TMEM132C: variants seen among roughly 807,000 people sequenced by gnomAD.
The protein encoded by TMEM132C is protein phosphatase 1, regulatory subunit 152.
In TMEM132C, 29 loss-of-function variants were observed where a neutral mutation model predicts 61.4. The observed-to-expected ratio is 0.47, with a 90% CI of 0.35 to 0.64. The LOEUF (loss-of-function observed/expected upper bound fraction) is 0.64. Among genes scored for constraint, TMEM132C ranks in the 30% least tolerant of loss-of-function variants. TMEM132C has a pLI of 0.00. For synonymous variants in TMEM132C, 656 were observed against 633.1 expected, an observed-to-expected ratio of 1.04 and a Z score of -0.54; for missense variants, 1,408 against 1,476.9, an observed-to-expected ratio of 0.95 and a Z score of 0.76.
intron 1 of TMEM132C, among the ~76,000 whole-genome samples, chr12:128,340,603 A>G (rs534893183): frequency 6.6e-6 from 1 of 152,140 alleles, no homozygotes; most frequent in African/African-American, 2.4e-5. Flanking sequence ...CTATAGCCCA[A>G]ATACTAAAAT....
intron 2 of TMEM132C, among the ~76,000 whole-genome samples, chr12:128,541,385 G>C (rs1049493625): frequency 3.3e-5 from 5 of 152,150 alleles, no homozygotes; most frequent in Non-Finnish European, 7.3e-5. Flanking sequence ...TATTTGGTCA[G>C]TGGTGATGAG....
chr12:128,472,690 T>C (rs1331298239), intron 2 of TMEM132C, among the ~76,000 whole-genome samples: 1 of 152,190 alleles, frequency 6.6e-6, no homozygotes, highest in African/African-American at 2.4e-5. Context: ...GACACCTGGG[T>C]TGGGGACTCT....
At chr12:128,335,164 A>G (rs1020333341) in intron 1 of TMEM132C, among the ~76,000 whole-genome samples, 7 of 152,240 alleles carry the variant, frequency 4.6e-5, no homozygotes, top group African/African-American at 1.7e-4. Context: ...TATCTGTGAA[A>G]TATTGTTCAA....
chr12:128,310,106 A>G (rs891638033), intron 1 of TMEM132C, among the ~76,000 whole-genome samples: 4 of 152,256 alleles, frequency 2.6e-5, no homozygotes, highest in African/African-American at 9.6e-5. Context: ...TGACTATGCA[A>G]ACCTTTGACT....
At chr12:128,588,135 C>T (rs893143600) in intron 3 of TMEM132C, among the ~76,000 whole-genome samples, 1 of 152,164 alleles carries the variant, frequency 6.6e-6, no homozygotes, top group Non-Finnish European at 1.5e-5. Flanking sequence ...CACAAGATGA[C>T]TTTCATGTCT....
intron 2 of TMEM132C, among the ~76,000 whole-genome samples, chr12:128,419,551 A>T (rs562138382): frequency 3.6e-4 from 53 of 148,410 alleles, no homozygotes; most frequent in Non-Finnish European, 6.5e-4. Context: ...TACCTCTAAC[A>T]TCCTGACAGC....
At chr12:128,594,361 GC>G (rs1315987751) in intron 3 of TMEM132C, among the ~76,000 whole-genome samples, 3 of 114,568 alleles carry the variant, frequency 2.6e-5, no homozygotes, top group African/African-American at 1.0e-4. Context: ...CCCATCCCCT[GC>G]CCCCCAACCC....
At chr12:128,531,983 A>G (rs1873327669) in intron 2 of TMEM132C, among the ~76,000 whole-genome samples, 2 of 152,192 alleles carry the variant, frequency 1.3e-5, no homozygotes, top group Admixed American at 1.3e-4. Context: ...GGTAATTTTC[A>G]ATGTTTTTCA....
rs114413127 is a variant in TMEM132C, at chr12:128,619,434, G to A, written c.1305+3099G>A. Among the ~76,000 whole-genome samples, 1,134 of 152,276 alleles carry A rather than the reference G, an allele frequency of 7.4e-3. 18 individuals carry two copies. Among genetic ancestry groups the A allele is most frequent in the African/African-American group, 0.026 (1,070 of 41,558 alleles). On this transcript the variant is annotated intron_variant, in intron 4 of 8. Transcript: ENST00000435159. ...GGGAAAAGCAGGGAGACGTGCTCTCGACTCTCCCCAGAGCAGACCCTGCAG... is the reference window on the plus strand; with the variant it reads ...GGGAAAAGCAGGGAGACGTGCTCTCAACTCTCCCCAGAGCAGACCCTGCAG...
intron 3 of TMEM132C, among the ~76,000 whole-genome samples, chr12:128,596,462 T>TAAAGAACCTGCCTTC (rs1359387139): frequency 6.7e-6 from 1 of 150,368 alleles, no homozygotes. Context: ...TGGCAGGGCT[T>TAAAGAACCTGCCTTC]CACTGATCCC....
At chr12:128,589,955 C>G (rs1875694391) in intron 3 of TMEM132C, among the ~76,000 whole-genome samples, 2 of 152,162 alleles carry the variant, frequency 1.3e-5, no homozygotes, top group African/African-American at 4.8e-5. Context: ...ACGTTTGAAG[C>G]AACAAAGTTT....
rs528163834 is a variant in TMEM132C at position 128,493,494 on chromosome 12, C to A, written c.975-50463C>A. Among the ~76,000 whole-genome samples the A allele has an allele frequency of 1.0e-3, 155 of 152,248 alleles. 1 individual carries two copies. The highest frequency in any genetic ancestry group is 3.5e-3 in the African/African-American group (147 of 41,564). On this transcript the variant is annotated intron_variant, in intron 2 of 8. Coordinates refer to ENST00000435159, the MANE Select transcript of TMEM132C (RefSeq NM_001136103.3). ...TTCCTATCCATGAGCATGGAATGTT[C>A]TTCCATTTGTTTGTATCCTCTTTTA... is the stretch of plus-strand genomic sequence containing the variant.
Position 128,414,722 on chromosome 12 carries a change from C to T in TMEM132C, c.86-10C>T. On this transcript the variant is annotated splice_polypyrimidine_tract_variant and intron_variant, in intron 1 of 8. Transcript: ENST00000435159. ...TTGTCTTTTTCTTTTCTTTCTTTTTCCCTTTTTAGTGATAGAGGGTCACGG... is the reference window on the plus strand; with the variant it reads ...TTGTCTTTTTCTTTTCTTTCTTTTTTCCTTTTTAGTGATAGAGGGTCACGG... 3 of 1,500,434 alleles carry T rather than the reference C, an allele frequency of 2.0e-6. No individual in the cohort carries two copies. Among genetic ancestry groups the T allele is most frequent in the Non-Finnish European group, 2.7e-6 (3 of 1,128,484 alleles). The allele number at this position is 1,500,434 out of a possible 1,614,324, so 92.9% of individuals were successfully genotyped here.
intron 2 of TMEM132C, among the ~76,000 whole-genome samples, chr12:128,426,766 A>G (rs1869199215): frequency 6.6e-6 from 1 of 152,104 alleles, no homozygotes; most frequent in Non-Finnish European, 1.5e-5. Context: ...AACATTGGAG[A>G]GTGATTTTAC....
At chr12:128,659,850 C>A (rs1177862173) in intron 4 of TMEM132C, among the ~76,000 whole-genome samples, 2 of 152,210 alleles carry the variant, frequency 1.3e-5, no homozygotes, top group East Asian at 3.8e-4. Context: ...CCCTCAGGGC[C>A]ACTCGTCCAC....
chr12:128,285,052 G>A (rs1399180249), intron 1 of TMEM132C, among the ~76,000 whole-genome samples: 2 of 152,162 alleles, frequency 1.3e-5, no homozygotes, highest in Non-Finnish European at 2.9e-5. Context: ...ACTGAGGTAG[G>A]AGGATTGTTG....
chr12:128,616,013 G>A (rs1421937971), intron 3 of TMEM132C, 139 bp from the exon 4 acceptor site: 2 of 1,029,162 alleles, frequency 1.9e-6, no homozygotes, highest in African/African-American at 1.6e-5. Context: ...GTGGTTCCAT[G>A]CCCCAGGATC....
intron 3 of TMEM132C, among the ~76,000 whole-genome samples, chr12:128,612,946 CA>C (rs1359189740): frequency 2.6e-5 from 4 of 152,124 alleles, no homozygotes; most frequent in Admixed American, 1.3e-4. Context: ...CCTCCCTGCA[CA>C]ATGGGAATGT....
At chr12:128,506,970 C>T (rs1305968072) in intron 2 of TMEM132C, among the ~76,000 whole-genome samples, 2 of 152,140 alleles carry the variant, frequency 1.3e-5, no homozygotes, top group African/African-American at 4.8e-5. Context: ...GTGGTGGCCA[C>T]TTTTCCTACC....
Sources: gnomAD v4.1 joint callset for allele counts (sites outside exome capture counted in the v4.1 genomes callset) on GRCh38, gnomAD v4.1.1 for gene constraint, MANE v1.5 for transcripts, NCBI Gene and HGNC (gene_info 2026-07-23, HGNC 2026-07-21) for gene names.